Variants in MGMT observed in about 807,000 individuals in gnomAD.
MGMT encodes methylated-DNA--protein-cysteine methyltransferase.
In MGMT, 14 loss-of-function variants were observed where a neutral mutation model predicts 15.9. The observed-to-expected ratio is 0.88, with a 90% CI of 0.58 to 1.37. The LOEUF is 1.37. Among genes scored for constraint, MGMT ranks in the 40% most tolerant of loss-of-function variants. The pLI, the probability that MGMT is intolerant of heterozygous loss-of-function variation, is 0.00. For synonymous variants in MGMT, 130 were observed against 118.2 expected (o/e 1.10, Z -0.65); for missense variants, 282 against 268.1 (o/e 1.05, Z -0.36).
At chr10:129,751,780 A>G (rs1387818536) in intron 3 of MGMT, among the ~76,000 whole-genome samples, 15 of 151,924 alleles carry the variant, frequency 9.9e-5, no homozygotes, top group Non-Finnish European at 2.2e-4. Context: ...GATTATTTAG[A>G]AGTGATATGT....
intron 1 of MGMT, among the ~76,000 whole-genome samples, chr10:129,534,842 C>T (rs1258996727): frequency 1.3e-5 from 2 of 151,870 alleles, no homozygotes; most frequent in Non-Finnish European, 2.9e-5. Context: ...GGTCAGCAGA[C>T]CTTTCTGTAG....
At chr10:129,756,757 C>A (rs543054794) in intron 3 of MGMT, among the ~76,000 whole-genome samples, 7 of 152,284 alleles carry the variant, frequency 4.6e-5, no homozygotes, top group African/African-American at 1.4e-4. Flanking sequence ...CGTGAGCCAC[C>A]GCGCCTGGAC....
chr10:129,529,141 C>T (rs373046268), intron 1 of MGMT, among the ~76,000 whole-genome samples: 6 of 149,730 alleles, frequency 4.0e-5, no homozygotes, highest in Non-Finnish European at 7.4e-5. Context: ...GGCTGTGAAG[C>T]GAGAGCGAGG....
chr10:129,744,140 C>T (rs1035826777), intron 3 of MGMT, among the ~76,000 whole-genome samples: 13 of 152,230 alleles, frequency 8.5e-5, no homozygotes, highest in Non-Finnish European at 1.9e-4. Flanking sequence ...GTGTCCTGTC[C>T]TTCTAGAGGC....
chr10:129,476,979 T>C (rs977416276), intron 1 of MGMT, among the ~76,000 whole-genome samples: 49 of 152,108 alleles, frequency 3.2e-4, no homozygotes, highest in African/African-American at 1.1e-3. Context: ...CCTCCCCGCC[T>C]GTGGACCCCT....
At position 129,556,294 on chromosome 10, in the gene MGMT, TAGAA is replaced by T. The variant is rs1026010627; in HGVS notation, c.125+19920_125+19923del. Among the ~76,000 whole-genome samples, 10 of 152,248 alleles carry T rather than the reference TAGAA, an allele frequency of 6.6e-5. No homozygotes were observed. Among genetic ancestry groups the T allele is most frequent in the African/African-American group, 9.6e-5 (4 of 41,534 alleles). ...ACAGTATTTTTGAGATAGGGTCTCT[TAGAA>T]AGGTGATTAGGGTAACTCAGGGTCA... On this transcript the variant is annotated intron_variant, in intron 2 of 4. Transcript: ENST00000651593. This position sits in a 1 kb window ranked among gnomAD's most constrained non-coding sequence, Gnocchi z 4.3.
At chr10:129,641,027 G>A (rs1475983302) in intron 2 of MGMT, among the ~76,000 whole-genome samples, 3 of 152,152 alleles carry the variant, frequency 2.0e-5, no homozygotes, top group Admixed American at 1.3e-4. Flanking sequence ...GAAGGTCCTA[G>A]CCAGTCCAGT....
intron 1 of MGMT, among the ~76,000 whole-genome samples, chr10:129,523,497 T>C (rs1845835555): frequency 1.3e-5 from 2 of 152,186 alleles, no homozygotes; most frequent in Admixed American, 1.3e-4. Context: ...GTCTCGGGCC[T>C]GGGGTCAGCT....
chr10:129,595,940 A>G (rs2133057495), intron 2 of MGMT, among the ~76,000 whole-genome samples: 1 of 152,272 alleles, frequency 6.6e-6, no homozygotes, highest in African/African-American at 2.4e-5. Flanking sequence ...GGGACTGGGT[A>G]GGGACAATCA....
intron 2 of MGMT, among the ~76,000 whole-genome samples, chr10:129,539,884 T>C (rs1337301283): frequency 1.3e-5 from 2 of 152,250 alleles, no homozygotes; most frequent in East Asian, 1.9e-4. Flanking sequence ...TTGGCTTCTA[T>C]GTCTCTTAAG....
Position 129,533,063 on chromosome 10 carries a change from A to G in MGMT, c.-12-3178A>G, listed in dbSNP as rs576809445. 3.0e-3 allele frequency among the ~76,000 whole-genome samples: 461 copies of G among 152,338 alleles called. 3 individuals are homozygous for G. Among genetic ancestry groups the G allele is most frequent in the Non-Finnish European group, 3.9e-3 (263 of 68,030 alleles). Reference sequence around the variant, plus strand: ...TCCCACGGAGGCAGAGCAGCCGAGAATCAACGGTGGCCATAGCCACCACAT... The same window carrying G: ...TCCCACGGAGGCAGAGCAGCCGAGAGTCAACGGTGGCCATAGCCACCACAT... On this transcript the variant is annotated intron_variant, in intron 1 of 4. Coordinates refer to ENST00000651593, the MANE Select transcript of MGMT (RefSeq NM_002412.5). The surrounding 1 kb of genome is among the most constrained non-coding windows in gnomAD (Gnocchi z 4.5).
At chr10:129,467,506 G>A (rs1451637837) in intron 1 of MGMT, 4 of 871,904 alleles carry the variant, frequency 4.6e-6, no homozygotes, top group Non-Finnish European at 2.8e-6. Flanking sequence ...CCTGGACTAG[G>A]CTGCGCTGCA....
chr10:129,474,835 A>AGAGATTGACGAGGGTGG (rs1845272418), intron 1 of MGMT, among the ~76,000 whole-genome samples: 1 of 152,162 alleles, frequency 6.6e-6, no homozygotes, highest in Non-Finnish European at 1.5e-5. Context: ...CCTGGGCAGC[A>AGAGATTGACGAGGGTGG]GAGATTGACG....
chr10:129,472,252 C>T (rs1409386098), intron 1 of MGMT, among the ~76,000 whole-genome samples: 1 of 152,086 alleles, frequency 6.6e-6, no homozygotes, highest in Non-Finnish European at 1.5e-5. Flanking sequence ...GCTGGGTCCC[C>T]CTGGGCAACT....
chr10:129,573,801 A>G (rs1846446924), intron 2 of MGMT, among the ~76,000 whole-genome samples: 1 of 152,162 alleles, frequency 6.6e-6, no homozygotes, highest in South Asian at 2.1e-4. Flanking sequence ...TTTTGGTGGT[A>G]CTTCATATAT....
chr10:129,698,471 T>A (rs1408993751), intron 2 of MGMT, among the ~76,000 whole-genome samples: 1 of 152,226 alleles, frequency 6.6e-6, no homozygotes. Flanking sequence ...ACTAATGGAA[T>A]GACTCTTTAA....
At chr10:129,572,302 G>T (rs1846429334) in intron 2 of MGMT, among the ~76,000 whole-genome samples, 1 of 152,136 alleles carries the variant, frequency 6.6e-6, no homozygotes, top group South Asian at 2.1e-4. Flanking sequence ...ATTAGTCTGT[G>T]TGTACCCCAA....
intron 2 of MGMT, among the ~76,000 whole-genome samples, chr10:129,542,554 T>C (rs999807757): frequency 6.6e-6 from 1 of 152,164 alleles, no homozygotes; most frequent in South Asian, 2.1e-4. Flanking sequence ...CTGTAGGACT[T>C]TTACCTGCGG....
chr10:129,654,524 T>A (rs867190245), intron 2 of MGMT, among the ~76,000 whole-genome samples: 1 of 152,168 alleles, frequency 6.6e-6, no homozygotes. Context: ...TGACCGTCAC[T>A]GTGAACCTCA....
Sources: allele counts gnomAD v4.1 joint callset (sites outside exome capture counted in the v4.1 genomes callset), GRCh38; gene constraint gnomAD v4.1.1; non-coding constraint Gnocchi (gnomAD v3.1); transcripts MANE v1.5; gene names NCBI Gene and HGNC (gene_info 2026-07-23, HGNC 2026-07-21).